WDR19: variants seen among roughly 807,000 people sequenced by gnomAD.
WDR19 encodes the protein WD repeat-containing protein 19.
In WDR19, 121 loss-of-function variants were observed where a neutral mutation model predicts 180.0. The observed-to-expected ratio is 0.67, with a 90% CI of 0.58 to 0.78. The LOEUF is 0.78. Ranked by LOEUF, WDR19 falls within the 30% of genes least tolerant of loss-of-function variation. The pLI is 0.00. For synonymous variants in WDR19, 497 were observed against 540.7 expected (o/e 0.92, Z 1.12); for missense variants, 1,450 against 1,640.7 (o/e 0.88, Z 2.01).
At position 39,253,952 on chromosome 4, in the gene WDR19, G is replaced by A. The variant is rs777066512; in HGVS notation, c.2923G>A (p.Val975Ile). Reference sequence around the variant, plus strand: ...CTATGGGTCTGCCATCCAGTTTCTTGTCATGTCCAAATGCAACAATGAAGC... The same window carrying A: ...CTATGGGTCTGCCATCCAGTTTCTTATCATGTCCAAATGCAACAATGAAGC... ...GDYGSAIQFL[V>I]MSKCNNEAFT... The change falls in exon 26 of 37, where the codon GTC becomes ATC. Residue 975 changes from valine (V) to isoleucine (I), a missense_variant. Val to Ile is a conservative substitution (Grantham distance 29). Transcript: ENST00000399820. The A allele has an allele frequency of 4.3e-6, 7 of 1,611,336 alleles. No homozygotes were observed. Among genetic ancestry groups the A allele is most frequent in the Non-Finnish European group, 5.9e-6 (7 of 1,178,102 alleles).
chr4:39,278,821 C>T (rs1370612789), intron 36 of WDR19, among the ~76,000 whole-genome samples, 158 bp downstream of exon 36: 1 of 151,908 alleles, frequency 6.6e-6, no homozygotes, highest in Admixed American at 6.6e-5. Flanking sequence ...TTTTTTAATG[C>T]TAAAATGCAG....
At chr4:39,229,545 A>G (rs1730626832) in intron 17 of WDR19, among the ~76,000 whole-genome samples, 1 of 151,984 alleles carries the variant, frequency 6.6e-6, no homozygotes, top group South Asian at 2.1e-4. Context: ...CTTTGCTTAT[A>G]ATTTCCTTTT....
chr4:39,201,981 A>G (rs960910263), intron 6 of WDR19, among the ~76,000 whole-genome samples: 1 of 152,158 alleles, frequency 6.6e-6, no homozygotes, highest in South Asian at 2.1e-4. Flanking sequence ...GAAGATCACT[A>G]TGGTGTTACT....
chr4:39,284,192 GTAA>G (rs1209563014), intron 36 of WDR19, among the ~76,000 whole-genome samples: 8 of 151,986 alleles, frequency 5.3e-5, no homozygotes, highest in African/African-American at 1.9e-4. Context: ...TGGAACTCCA[GTAA>G]TATCTGTGTT....
At chr4:39,272,899 A>T in intron 31 of WDR19, 81 bp from the exon 32 acceptor site, 1 of 1,147,442 alleles carries the variant, frequency 8.7e-7, no homozygotes, top group East Asian at 2.7e-5. Context: ...ATCATCAAGG[A>T]GTTGTTTATT....
chr4:39,206,818 T>C (rs1218256244), intron 9 of WDR19, among the ~76,000 whole-genome samples: 2 of 152,222 alleles, frequency 1.3e-5, no homozygotes, highest in Non-Finnish European at 2.9e-5. Flanking sequence ...AAAATAGAAC[T>C]GACATTGAAA....
Position 39,278,806 on chromosome 4 carries a change from G to GT in WDR19, c.*13+144dup. ...AACAATCTGACAACCACCTTTTGATGTATTTTTTTTAATGCTAAAATGCAG... is the reference window on the plus strand; with the variant it reads ...AACAATCTGACAACCACCTTTTGATGTTATTTTTTTTAATGCTAAAATGCAG... On this transcript the variant is annotated intron_variant, in intron 36 of 36. Transcript: ENST00000399820. The GT allele has an allele frequency of 9.6e-6, 4 of 414,728 alleles. No individual in the cohort carries two copies. The East Asian group carries it at 1.0e-4, about 11-fold the overall frequency. The allele number at this position is 414,728 out of a possible 1,614,324, so 25.7% of individuals were successfully genotyped here. A position where few individuals can be genotyped will look rare whatever the true frequency, so the allele number is the denominator to read the frequency against.
intron 14 of WDR19, chr4:39,219,256 G>A (rs1406336548): frequency 2.0e-5 from 3 of 152,122 alleles, no homozygotes; most frequent in Non-Finnish European, 2.9e-5. Context: ...GGCAGCACAC[G>A]AGGTTTGTTT....
In WDR19 at chr4:39,274,975, A is replaced by C; in HGVS notation, c.3716+17A>C. The C allele has an allele frequency of 6.2e-7, 1 of 1,609,738 alleles. No individual in the cohort carries two copies. The highest frequency in any genetic ancestry group is 8.5e-7 in the Non-Finnish European group (1 of 1,179,186). ...AATGGTCAGGTAGGCAGAGATGGCT[A>C]TTTCTGCTATCTAATCGTATTTCTC... is the stretch of plus-strand genomic sequence containing the variant. On this transcript the variant is annotated intron_variant, in intron 33 of 36. Coordinates refer to ENST00000399820, the MANE Select transcript of WDR19 (RefSeq NM_025132.4).
In WDR19 at chr4:39,205,681, A is replaced by G. The variant is rs1364657304; in HGVS notation, c.835A>G (p.Thr279Ala). The G allele has an allele frequency of 1.9e-6, 3 of 1,611,432 alleles. No homozygotes were observed. The highest frequency in any genetic ancestry group is 3.4e-5 in the Admixed American group (2 of 59,642). ...FQARNHKDNL[T>A]SIAVSQTLNK... is the part of the protein sequence containing the mutation. Reference sequence around the variant, plus strand: ...GGCTCGTAACCATAAAGATAATCTAACCAGCATTGCAGTATCACAGACTCT... The same window carrying G: ...GGCTCGTAACCATAAAGATAATCTAGCCAGCATTGCAGTATCACAGACTCT... The change falls in exon 9 of 37, where the codon ACC becomes GCC. Residue 279 changes from threonine (T) to alanine (A), a missense_variant. By Grantham distance (58) the Thr-to-Ala change is moderately conservative. Transcript: ENST00000399820.
At chr4:39,184,305 G>A (rs578083918) in intron 1 of WDR19, among the ~76,000 whole-genome samples, 1 of 152,002 alleles carries the variant, frequency 6.6e-6, no homozygotes, top group South Asian at 2.1e-4. Flanking sequence ...AGCTATTCGG[G>A]AGGCTGAGGC....
At chr4:39,213,875 T>G (rs1382636161) in intron 9 of WDR19, among the ~76,000 whole-genome samples, 1 of 152,186 alleles carries the variant, frequency 6.6e-6, no homozygotes, top group Non-Finnish European at 1.5e-5. Context: ...TCTCTATCTC[T>G]CTATATTGCC....
At chr4:39,206,676 G>A (rs192162149) in intron 9 of WDR19, among the ~76,000 whole-genome samples, 6 of 152,332 alleles carry the variant, frequency 3.9e-5, no homozygotes, top group Admixed American at 2.6e-4. Flanking sequence ...AAGCGCATAT[G>A]TATAGACTTA....
intron 24 of WDR19, among the ~76,000 whole-genome samples, chr4:39,246,813 C>A (rs1430045655): frequency 6.6e-6 from 1 of 152,214 alleles, no homozygotes; most frequent in African/African-American, 2.4e-5. Context: ...TGGACGGGCG[C>A]CCGCCATTGC....
intron 5 of WDR19, among the ~76,000 whole-genome samples, chr4:39,196,208 C>G (rs1264145813): frequency 6.6e-6 from 1 of 152,202 alleles, no homozygotes; most frequent in Non-Finnish European, 1.5e-5. Flanking sequence ...CCAGTCTCTT[C>G]TCTGAATATT....
At chr4:39,266,017 G>A (rs775405708) in intron 28 of WDR19, 46 bp from the exon 29 acceptor site, 42 of 1,489,394 alleles carry the variant, frequency 2.8e-5, no homozygotes, top group East Asian at 1.2e-4. Context: ...ACTCTTGCTC[G>A]GTTTAAGATG....
chr4:39,248,999 CA>C (rs1306135899), intron 24 of WDR19, among the ~76,000 whole-genome samples: 110 of 152,322 alleles, frequency 7.2e-4, no homozygotes, highest in Non-Finnish European at 7.3e-4. Context: ...CTGCACCAAG[CA>C]GACCTAATAG....
At position 39,254,040 on chromosome 4, in the gene WDR19, AT is replaced by A. The variant is rs1216134802; in HGVS notation, c.3001+16del. On this transcript the variant is annotated intron_variant, in intron 26 of 36. Coordinates refer to ENST00000399820, the MANE Select transcript of WDR19 (RefSeq NM_025132.4). ...TATGCAGATATTATTGGTAAATATCATTTTTTCCCTGGTTCTCTTCAAGATG... is the reference window on the plus strand; with the variant it reads ...TATGCAGATATTATTGGTAAATATCATTTTTCCCTGGTTCTCTTCAAGATG... The A allele has an allele frequency of 5.6e-6, 9 of 1,604,048 alleles. No homozygotes were observed. Among genetic ancestry groups the A allele is most frequent in the East Asian group, 4.5e-5 (2 of 44,626 alleles).
intron 6 of WDR19, among the ~76,000 whole-genome samples, chr4:39,199,860 G>C (rs1727193525): frequency 6.6e-6 from 1 of 152,190 alleles, no homozygotes. Flanking sequence ...TAGTCAGACA[G>C]TGTATTTGTG....
Sources: gnomAD v4.1 joint callset for allele counts (sites outside exome capture counted in the v4.1 genomes callset) on GRCh38, gnomAD v4.1.1 for gene constraint, MANE v1.5 for transcripts, NCBI Gene and HGNC (gene_info 2026-07-23, HGNC 2026-07-21) for gene names.